FOXP4: variants seen among roughly 807,000 people sequenced by gnomAD.
The protein encoded by FOXP4 is forkhead box protein P4.
A neutral mutation model predicts 82.6 loss-of-function variants in FOXP4; 25 were observed. That is an observed-to-expected ratio of 0.30 (90% confidence interval 0.22 to 0.42). FOXP4 has a LOEUF of 0.42. Ranked by LOEUF, FOXP4 falls within the 10% of genes least tolerant of loss-of-function variation. The probability of loss-of-function intolerance (pLI) is 1.00; values close to 1 mark genes in which losing one functional copy is unlikely to be tolerated. For missense variants in FOXP4, 785 were observed against 900.9 expected (o/e 0.87, Z 1.65); for synonymous variants, 415 against 388.2 (o/e 1.07, Z -0.81).
intron 1 of FOXP4, among the ~76,000 whole-genome samples, chr6:41,549,674 T>TG (rs901159698): frequency 7.0e-6 from 1 of 141,994 alleles, no homozygotes; most frequent in African/African-American, 2.7e-5. Context: ...CAGTGAAGGC[T>TG]GGGGTCTGCT....
intron 2 of FOXP4, among the ~76,000 whole-genome samples, chr6:41,573,463 A>G (rs75549654): frequency 3.0e-4 from 45 of 152,228 alleles, no homozygotes; most frequent in African/African-American, 1.1e-3. Context: ...GATCCTGCTA[A>G]TGACTTCTGA....
chr6:41,582,837 G>A (rs530679350), intron 3 of FOXP4, among the ~76,000 whole-genome samples: 2 of 151,988 alleles, frequency 1.3e-5, no homozygotes, highest in South Asian at 2.1e-4. Context: ...CTCAGCCTCC[G>A]GACGTCCCAC....
At chr6:41,555,993 G>C (rs1764254568) in intron 1 of FOXP4, among the ~76,000 whole-genome samples, 1 of 152,046 alleles carries the variant, frequency 6.6e-6, no homozygotes, top group African/African-American at 2.4e-5. Context: ...TAGTAGGAAG[G>C]GGTATTGAGG....
At chr6:41,556,139 C>CTGG (rs980948622) in intron 1 of FOXP4, among the ~76,000 whole-genome samples, 1 of 152,066 alleles carries the variant, frequency 6.6e-6, no homozygotes, top group African/African-American at 2.4e-5. Flanking sequence ...GGGAGGAGCA[C>CTGG]TGGTTTAGGA....
chr6:41,566,457 A>G (rs956178989), intron 2 of FOXP4, among the ~76,000 whole-genome samples: 1 of 152,228 alleles, frequency 6.6e-6, no homozygotes, highest in African/African-American at 2.4e-5. Context: ...AGGCCCAGGC[A>G]GCTGGGTAAA....
Position 41,590,030 on chromosome 6 carries a change from A to G in FOXP4, c.1217A>G (p.Asp406Gly), listed in dbSNP as rs776881648. The stretch of plus-strand genomic sequence containing the variant: ...GTCTCTGCAGCAGACTCATTCCCAG[A>G]TGGTCTCGTGCACCCCCCGACCTCG... The part of the protein sequence containing the change: ...VTVSAADSFP[D>G]GLVHPPTSAA... The change falls in exon 11 of 17, where the codon GAT (aspartate) becomes GGT (glycine). Residue 406 changes from aspartate (D) to glycine (G), a missense_variant. By Grantham distance (94) the Asp-to-Gly change is moderately conservative. Coordinates refer to ENST00000307972, the MANE Select transcript of FOXP4 (RefSeq NM_001012426.2). 1.2e-6 allele frequency: 2 copies of G among 1,613,758 alleles called. No individual in the cohort carries two copies. Among genetic ancestry groups the G allele is most frequent in the Non-Finnish European group, 1.7e-6 (2 of 1,179,940 alleles).
Position 41,599,866 on chromosome 6 carries a change from A to C in FOXP4, c.*930A>C, listed in dbSNP as rs972415699. The C allele has an allele frequency of 1.3e-5, 2 of 150,798 alleles. No individual in the cohort carries two copies. The highest frequency in any genetic ancestry group is 6.6e-5 in the Admixed American group (1 of 15,154). 9.3% of individuals were successfully genotyped at this position (150,798 alleles called of 1,614,324 possible). A position where few individuals can be genotyped will look rare whatever the true frequency, so the allele number is the denominator to read the frequency against. On this transcript the variant is annotated 3_prime_UTR_variant, in exon 17 of 17. Coordinates refer to ENST00000307972, the MANE Select transcript of FOXP4 (RefSeq NM_001012426.2). ...CCTCAGCTCCCCTTCCTCTGCAGTC[A>C]CCCTCAGCTCCCCTTCCTTGCCCGC...
At chr6:41,549,265 C>T (rs974804413) in intron 1 of FOXP4, among the ~76,000 whole-genome samples, 3 of 152,060 alleles carry the variant, frequency 2.0e-5, no homozygotes, top group Non-Finnish European at 4.4e-5. Context: ...CCAGGAGTTA[C>T]GGAGTTGGGG....
chr6:41,585,701 C>G (rs1766071463), intron 5 of FOXP4, among the ~76,000 whole-genome samples, 184 bp downstream of exon 5: 1 of 152,090 alleles, frequency 6.6e-6, no homozygotes, highest in East Asian at 1.9e-4. Context: ...TCCATCTCCC[C>G]TCATCCCCAT....
At chr6:41,560,788 T>C (rs911684112) in intron 1 of FOXP4, among the ~76,000 whole-genome samples, 3 of 152,246 alleles carry the variant, frequency 2.0e-5, no homozygotes, top group Admixed American at 6.5e-5. Context: ...TCATGGCAAA[T>C]GTTACGGCTC....
At chr6:41,569,337 G>GCCCATCCGT (rs1765054897) in intron 2 of FOXP4, among the ~76,000 whole-genome samples, 1 of 152,204 alleles carries the variant, frequency 6.6e-6, no homozygotes, top group Non-Finnish European at 1.5e-5. Context: ...CACACCCGTG[G>GCCCATCCGT]CCCATCCGTC....
rs1230814863 is a variant in FOXP4 at position 41,591,290 on chromosome 6, G to A, written c.1504G>A (p.Ala502Thr). ...CTATAACTGGTTCACCAGGATGTTC[G>A]CCTATTTCCGCAGAAACACTGCCAC... ...EIYNWFTRMF[A>T]YFRRNTATWK... Residue 502 changes from alanine to threonine, a missense_variant, in exon 13 of 17, where the codon GCC becomes ACC. Coordinates refer to ENST00000307972, the MANE Select transcript of FOXP4 (RefSeq NM_001012426.2). The surrounding 1 kb of genome is among the most constrained non-coding windows in gnomAD (Gnocchi z 4.2). 2.5e-6 allele frequency: 4 copies of A among 1,606,702 alleles called. No individual in the cohort carries two copies. Among genetic ancestry groups the A allele is most frequent in the South Asian group, 1.1e-5 (1 of 89,380 alleles).
chr6:41,562,491 C>A lies in FOXP4; in HGVS notation c.-16-3254C>A, dbSNP rs75193031. ...GTTCACTGGGTGTTACTCTGTATGCCCCCCCCATAAAAAGAAAAGAAAGGA... is the reference window on the plus strand; with the variant it reads ...GTTCACTGGGTGTTACTCTGTATGCACCCCCCATAAAAAGAAAAGAAAGGA... On this transcript the variant is annotated intron_variant, in intron 1 of 16. Transcript: ENST00000307972. Among the ~76,000 whole-genome samples the A allele has an allele frequency of 2.7e-3, 415 of 151,440 alleles. 1 individual carries two copies. The highest frequency in any genetic ancestry group is 9.4e-3 in the African/African-American group (390 of 41,430).
intron 14 of FOXP4, 63 bp from the exon 15 acceptor site, chr6:41,597,113 A>G (rs1312893751): frequency 6.5e-7 from 1 of 1,546,248 alleles, no homozygotes; most frequent in African/African-American, 1.4e-5. Context: ...AGTGAGAGTA[A>G]AGAGATGCGA....
chr6:41,554,374 G>A (rs116369407), intron 1 of FOXP4, among the ~76,000 whole-genome samples: 44 of 152,338 alleles, frequency 2.9e-4, no homozygotes, highest in African/African-American at 1.1e-3. Context: ...TGTCAACACT[G>A]AGCCTGCATT....
chr6:41,561,305 C>G (rs1764565424), intron 1 of FOXP4, among the ~76,000 whole-genome samples: 1 of 144,160 alleles, frequency 6.9e-6, no homozygotes, highest in Non-Finnish European at 1.5e-5. Flanking sequence ...CAAAATAACT[C>G]GGCCTCCGGT....
intron 1 of FOXP4, among the ~76,000 whole-genome samples, chr6:41,550,941 A>G (rs780267485): frequency 6.6e-6 from 1 of 152,204 alleles, no homozygotes; most frequent in Non-Finnish European, 1.5e-5. Flanking sequence ...GTCTCAGACC[A>G]GTTTGGGACC....
intron 1 of FOXP4, among the ~76,000 whole-genome samples, chr6:41,562,449 A>G (rs1228595245): frequency 3.3e-5 from 5 of 152,070 alleles, no homozygotes; most frequent in African/African-American, 1.2e-4. Context: ...TATACACCAC[A>G]TTGCAGCAAT....
At chr6:41,597,061 G>C in intron 14 of FOXP4, 115 bp from the exon 15 acceptor site, 1 of 1,129,318 alleles carries the variant, frequency 8.9e-7, no homozygotes, top group Non-Finnish European at 1.3e-6. Context: ...CTGGCCTCCC[G>C]GAATAGGGAA....
Sources: allele counts gnomAD v4.1 joint callset (sites outside exome capture counted in the v4.1 genomes callset), GRCh38; gene constraint gnomAD v4.1.1; non-coding constraint Gnocchi (gnomAD v3.1); transcripts MANE v1.5; gene names NCBI Gene and HGNC (gene_info 2026-07-23, HGNC 2026-07-21).